The following INKA1 variants were observed in gnomAD, a reference collection of about 807,000 sequenced individuals.
INKA1 encodes the protein inka box actin regulator 1.
In INKA1, 14 loss-of-function variants were observed where a neutral mutation model predicts 21.3. The observed-to-expected ratio is 0.66, with a 90% CI of 0.43 to 1.03. The LOEUF (loss-of-function observed/expected upper bound fraction) is 1.03, where lower values mean the gene tolerates loss of function less well. Among genes scored for constraint, INKA1 ranks in the 50% least tolerant of loss-of-function variants. INKA1 has a pLI of 0.00. For missense variants in INKA1, 353 were observed against 379.0 expected, an observed-to-expected ratio of 0.93 and a Z score of 0.57; for synonymous variants, 133 against 143.3, an observed-to-expected ratio of 0.93 and a Z score of 0.51.
In INKA1 at chr3:49,804,445, G is replaced by A; in HGVS notation, c.316G>A (p.Glu106Lys). ...GGAGGTGTCAGGCAGCACATGGCGAGAGGAAGAACTGCCTGTATCCCAGCG... is the reference window on the plus strand; with the variant it reads ...GGAGGTGTCAGGCAGCACATGGCGAAAGGAAGAACTGCCTGTATCCCAGCG... The part of the protein sequence containing the change: ...FSEVSGSTWR[E>K]EELPVSQRPA... Residue 106 changes from glutamate (E) to lysine (K), a missense_variant, in exon 2 of 2, where the codon GAG becomes AAG. By Grantham distance (56) the Glu-to-Lys change is moderately conservative. Coordinates refer to ENST00000333323, the MANE Select transcript of INKA1 (RefSeq NM_203370.2). This position sits in a 1 kb window ranked among gnomAD's most constrained non-coding sequence, Gnocchi z 6.7. 3 of 1,613,618 alleles carry A rather than the reference G, an allele frequency of 1.9e-6. No homozygotes were observed. Among genetic ancestry groups the A allele is most frequent in the Non-Finnish European group, 2.5e-6 (3 of 1,180,012 alleles).
rs760182460 is a variant in INKA1 at position 49,804,963 on chromosome 3, C to G, written c.834C>G (p.Ile278Met). The change falls in exon 2 of 2, where the codon ATC (isoleucine) becomes ATG (methionine). Residue 278 changes from isoleucine to methionine, a missense_variant. Physicochemically the swap from Ile to Met is conservative, Grantham distance 10 (BLOSUM62 1). Transcript: ENST00000333323. The surrounding 1 kb of genome is among the most constrained non-coding windows in gnomAD (Gnocchi z 6.7). ...LMSCRSRQPIICNDVSYL is the reference protein window; with the variant it reads ...LMSCRSRQPIMCNDVSYL ...GCTGTCGTAGCCGCCAGCCCATCAT[C>G]TGCAATGATGTCAGCTACCTCTGAC... The G allele has an allele frequency of 3.1e-6, 5 of 1,610,720 alleles. No homozygotes were observed. Among genetic ancestry groups the G allele is most frequent in the Non-Finnish European group, 3.4e-6 (4 of 1,178,128 alleles).
rs1281106096 is a variant in INKA1, at chr3:49,804,371, C to A, written c.242C>A (p.Ala81Asp). Residue 81 changes from alanine (A) to aspartate (D), a missense_variant, in exon 2 of 2, where the codon GCC (alanine) becomes GAC (aspartate). By Grantham distance (126) the Ala-to-Asp change is moderately radical. Coordinates refer to ENST00000333323, the MANE Select transcript of INKA1 (RefSeq NM_203370.2). This position sits in a 1 kb window ranked among gnomAD's most constrained non-coding sequence, Gnocchi z 6.7. Reference sequence around the variant, plus strand: ...GTGGTGACAGAAGACAGGGATGCAGCCTTGGGAGGCCCCAGGGAGCATGCC... The same window carrying A: ...GTGGTGACAGAAGACAGGGATGCAGACTTGGGAGGCCCCAGGGAGCATGCC... Reference protein sequence around the residue: ...EAVVTEDRDAALGGPREHALD... With the variant: ...EAVVTEDRDADLGGPREHALD... 1.2e-6 allele frequency: 2 copies of A among 1,613,142 alleles called. No homozygotes were observed. Among genetic ancestry groups the A allele is most frequent in the East Asian group, 2.2e-5 (1 of 44,858 alleles).
Position 49,804,990 on chromosome 3 carries a change from C to A in INKA1, c.*3C>A. 6.2e-7 allele frequency: 1 copy of A among 1,603,584 alleles called. No homozygotes were observed. The highest frequency in any genetic ancestry group is 1.3e-5 in the African/African-American group (1 of 74,888). ...GCAATGATGTCAGCTACCTCTGACC[C>A]TGCCCTCCAGCCTGGGACAATAAAA... On this transcript the variant is annotated 3_prime_UTR_variant, in exon 2 of 2. Coordinates refer to ENST00000333323, the MANE Select transcript of INKA1 (RefSeq NM_203370.2). This position sits in a 1 kb window ranked among gnomAD's most constrained non-coding sequence, Gnocchi z 6.7.
rs2081397567 is a variant in INKA1, at chr3:49,803,483, C to A, written c.51+40C>A. Reference sequence around the variant, plus strand: ...CGGGTGTGGTTAGTGAGGACGCGTGCGGGATGCCAGGCTGCCGCCCGGCCG... The same window carrying A: ...CGGGTGTGGTTAGTGAGGACGCGTGAGGGATGCCAGGCTGCCGCCCGGCCG... On this transcript the variant is annotated intron_variant, in intron 1 of 1. Transcript: ENST00000333323. The surrounding 1 kb of genome is among the most constrained non-coding windows in gnomAD (Gnocchi z 4.8). 2 of 1,533,692 alleles carry A rather than the reference C, an allele frequency of 1.3e-6. No individual in the cohort carries two copies. The highest frequency in any genetic ancestry group is 8.8e-7 in the Non-Finnish European group (1 of 1,137,848).
rs758447443 is a variant in INKA1, at chr3:49,803,450, C to T, written c.51+7C>T. ...CCAGCTCCGCTGGGAACTGGTGAGG[C>T]TCGGGAGCGGGTGTGGTTAGTGAGG... On this transcript the variant is annotated splice_region_variant and intron_variant, in intron 1 of 1. Coordinates refer to ENST00000333323, the MANE Select transcript of INKA1 (RefSeq NM_203370.2). This position sits in a 1 kb window ranked among gnomAD's most constrained non-coding sequence, Gnocchi z 4.8. 38 of 1,557,042 alleles carry T rather than the reference C, an allele frequency of 2.4e-5. No individual in the cohort carries two copies. The Middle Eastern group carries it at 1.0e-3, about 41-fold the overall frequency.
rs1301163227 is a variant in INKA1 at position 49,804,651 on chromosome 3, A to G, written c.522A>G (p.Leu174=). The G allele has an allele frequency of 1.9e-6, 3 of 1,613,164 alleles. No individual in the cohort carries two copies. The East Asian group carries it at 6.7e-5, about 36-fold the overall frequency. The change falls in exon 2 of 2, where the codon CTA becomes CTG. Residue 174 remains leucine (L), a synonymous_variant. Coordinates refer to ENST00000333323, the MANE Select transcript of INKA1 (RefSeq NM_203370.2). This position sits in a 1 kb window ranked among gnomAD's most constrained non-coding sequence, Gnocchi z 6.7. ...GLEAEDWTAA[L]LNRGRSRQPL... The stretch of plus-strand genomic sequence containing the variant: ...AAGCAGAGGACTGGACAGCAGCCCT[A>G]CTGAACAGGGGTCGCAGTCGCCAGC...
Position 49,803,734 on chromosome 3 carries a change from C to A in INKA1, c.51+291C>A, listed in dbSNP as rs113000938. 4.6e-5 allele frequency among the ~76,000 whole-genome samples: 7 copies of A among 152,274 alleles called. No individual in the cohort carries two copies. Among genetic ancestry groups the A allele is most frequent in the Non-Finnish European group, 1.0e-4 (7 of 68,016 alleles). ...GGGGCATGGGGCGGCAAGGGACTAA[C>A]GAGGTGCTGGCGCTGCTGTGAACGC... On this transcript the variant is annotated intron_variant, in intron 1 of 1. Coordinates refer to ENST00000333323, the MANE Select transcript of INKA1 (RefSeq NM_203370.2). This position sits in a 1 kb window ranked among gnomAD's most constrained non-coding sequence, Gnocchi z 4.8.
chr3:49,804,966 C>T lies in INKA1; in HGVS notation c.837C>T (p.Cys279=). 6.2e-7 allele frequency: 1 copy of T among 1,609,512 alleles called. No homozygotes were observed. Among genetic ancestry groups the T allele is most frequent in the Non-Finnish European group, 8.5e-7 (1 of 1,177,100 alleles). The stretch of plus-strand genomic sequence containing the variant: ...GTCGTAGCCGCCAGCCCATCATCTG[C>T]AATGATGTCAGCTACCTCTGACCCT... The part of the protein sequence containing the change: ...MSCRSRQPII[C]NDVSYL Residue 279 remains cysteine (C), a synonymous_variant, in exon 2 of 2, where the codon TGC becomes TGT. Transcript: ENST00000333323. This position sits in a 1 kb window ranked among gnomAD's most constrained non-coding sequence, Gnocchi z 6.7.
At position 49,804,105 on chromosome 3, in the gene INKA1, T is replaced by C. The variant is rs917466762; in HGVS notation, c.52-76T>C. ...CCAGGCCAGCAGGCCTATCTAACCTTCCTGGACCCTCTGTTCTCTGGGCTG... is the reference window on the plus strand; with the variant it reads ...CCAGGCCAGCAGGCCTATCTAACCTCCCTGGACCCTCTGTTCTCTGGGCTG... On this transcript the variant is annotated intron_variant, in intron 1 of 1. Transcript: ENST00000333323. This position sits in a 1 kb window ranked among gnomAD's most constrained non-coding sequence, Gnocchi z 6.7. 1.5e-6 allele frequency: 2 copies of C among 1,357,312 alleles called. No homozygotes were observed. Among genetic ancestry groups the C allele is most frequent in the Non-Finnish European group, 2.0e-6 (2 of 988,082 alleles). 84.1% of individuals were successfully genotyped at this position (1,357,312 alleles called of 1,614,324 possible).
Position 49,803,526 on chromosome 3 carries a change from G to A in INKA1, c.51+83G>A, listed in dbSNP as rs1172210489. On this transcript the variant is annotated intron_variant, in intron 1 of 1. Transcript: ENST00000333323. The surrounding 1 kb of genome is among the most constrained non-coding windows in gnomAD (Gnocchi z 4.8). ...CCCGGCCGGAACAACAGACGGGTGC[G>A]GGGTGGCTCCAGCGTGCCGGTCCGA... The A allele has an allele frequency of 1.2e-5, 17 of 1,401,774 alleles. No individual in the cohort carries two copies. The highest frequency in any genetic ancestry group is 1.6e-5 in the Non-Finnish European group (16 of 1,029,888). The allele number at this position is 1,401,774 out of a possible 1,614,324, so 86.8% of individuals were successfully genotyped here.
rs2081393732 is a variant in INKA1, at chr3:49,803,287, G to A, written c.-106G>A. Reference sequence around the variant, plus strand: ...CGGAGAGCGAGGAGTCGCGCAGGCAGGCGGAGGCTGAGGGCGCCGCTGGCC... The same window carrying A: ...CGGAGAGCGAGGAGTCGCGCAGGCAAGCGGAGGCTGAGGGCGCCGCTGGCC... On this transcript the variant is annotated 5_prime_UTR_variant, in exon 1 of 2. Coordinates refer to ENST00000333323, the MANE Select transcript of INKA1 (RefSeq NM_203370.2). This position sits in a 1 kb window ranked among gnomAD's most constrained non-coding sequence, Gnocchi z 4.8. 1.8e-6 allele frequency: 2 copies of A among 1,127,142 alleles called. No homozygotes were observed. Among genetic ancestry groups the A allele is most frequent in the African/African-American group, 1.7e-5 (1 of 60,260 alleles). The allele number at this position is 1,127,142 out of a possible 1,614,324, so 69.8% of individuals were successfully genotyped here. A position where few individuals can be genotyped will look rare whatever the true frequency, so the allele number is the denominator to read the frequency against.
In INKA1 at chr3:49,803,539, C is replaced by G; in HGVS notation, c.51+96C>G. 7.8e-7 allele frequency: 1 copy of G among 1,284,954 alleles called. No individual in the cohort carries two copies. Among genetic ancestry groups the G allele is most frequent in the Non-Finnish European group, 1.1e-6 (1 of 935,068 alleles). 79.6% of individuals were successfully genotyped at this position (1,284,954 alleles called of 1,614,324 possible). A position where few individuals can be genotyped will look rare whatever the true frequency, so the allele number is the denominator to read the frequency against. On this transcript the variant is annotated intron_variant, in intron 1 of 1. Transcript: ENST00000333323. The surrounding 1 kb of genome is among the most constrained non-coding windows in gnomAD (Gnocchi z 4.8). ...ACAGACGGGTGCGGGGTGGCTCCAGCGTGCCGGTCCGAGGCGGGGTGGGGG... is the reference window on the plus strand; with the variant it reads ...ACAGACGGGTGCGGGGTGGCTCCAGGGTGCCGGTCCGAGGCGGGGTGGGGG...
In INKA1 at chr3:49,804,862, G is replaced by C; in HGVS notation, c.733G>C (p.Gly245Arg). Residue 245 changes from glycine (G) to arginine (R), a missense_variant, in exon 2 of 2, where the codon GGA becomes CGA. Coordinates refer to ENST00000333323, the MANE Select transcript of INKA1 (RefSeq NM_203370.2). This position sits in a 1 kb window ranked among gnomAD's most constrained non-coding sequence, Gnocchi z 6.7. ...LARARRTAMA[G>R]KRLSCPPRPE... The stretch of plus-strand genomic sequence containing the variant: ...CAGGGCTCGGCGGACAGCTATGGCA[G>C]GAAAGCGGCTGTCATGCCCACCTCG... 1.2e-6 allele frequency: 2 copies of C among 1,613,006 alleles called. No homozygotes were observed. Among genetic ancestry groups the C allele is most frequent in the Non-Finnish European group, 1.7e-6 (2 of 1,179,984 alleles).
At position 49,803,737 on chromosome 3, in the gene INKA1, G is replaced by A. The variant is rs1472431802; in HGVS notation, c.51+294G>A. On this transcript the variant is annotated intron_variant, in intron 1 of 1. Coordinates refer to ENST00000333323, the MANE Select transcript of INKA1 (RefSeq NM_203370.2). This position sits in a 1 kb window ranked among gnomAD's most constrained non-coding sequence, Gnocchi z 4.8. ...GCATGGGGCGGCAAGGGACTAACGAGGTGCTGGCGCTGCTGTGAACGCCCC... is the reference window on the plus strand; with the variant it reads ...GCATGGGGCGGCAAGGGACTAACGAAGTGCTGGCGCTGCTGTGAACGCCCC... 6.6e-6 allele frequency among the ~76,000 whole-genome samples: 1 copy of A among 152,214 alleles called. No individual in the cohort carries two copies. Among genetic ancestry groups the A allele is most frequent in the Non-Finnish European group, 1.5e-5 (1 of 68,038 alleles).
In INKA1 at chr3:49,803,305, C is replaced by T. The variant is rs1481975813; in HGVS notation, c.-88C>T. The T allele has an allele frequency of 2.3e-6, 3 of 1,320,444 alleles. No homozygotes were observed. Among genetic ancestry groups the T allele is most frequent in the Non-Finnish European group, 3.0e-6 (3 of 1,006,000 alleles). The allele number at this position is 1,320,444 out of a possible 1,614,324, so 81.8% of individuals were successfully genotyped here. ...GCAGGCAGGCGGAGGCTGAGGGCGC[C>T]GCTGGCCGGCCCTCCCAGCCCTCTC... is the stretch of plus-strand genomic sequence containing the variant. On this transcript the variant is annotated 5_prime_UTR_variant, in exon 1 of 2. Transcript: ENST00000333323. The surrounding 1 kb of genome is among the most constrained non-coding windows in gnomAD (Gnocchi z 4.8).
chr3:49,804,429 A>G lies in INKA1; in HGVS notation c.300A>G (p.Ser100=), dbSNP rs994314840. Reference sequence around the variant, plus strand: ...GGGACTCTGGCTTCTCGGAGGTGTCAGGCAGCACATGGCGAGAGGAAGAAC... The same window carrying G: ...GGGACTCTGGCTTCTCGGAGGTGTCGGGCAGCACATGGCGAGAGGAAGAAC... The part of the protein sequence containing the change: ...LDWDSGFSEV[S]GSTWREEELP... The change falls in exon 2 of 2, where the codon TCA becomes TCG. Residue 100 remains serine (S), a synonymous_variant. Coordinates refer to ENST00000333323, the MANE Select transcript of INKA1 (RefSeq NM_203370.2). This position sits in a 1 kb window ranked among gnomAD's most constrained non-coding sequence, Gnocchi z 6.7. 1.1e-5 allele frequency: 17 copies of G among 1,613,604 alleles called. No homozygotes were observed. Among genetic ancestry groups the G allele is most frequent in the Non-Finnish European group, 1.4e-5 (16 of 1,179,988 alleles).
chr3:49,804,470 G>A lies in INKA1; in HGVS notation c.341G>A (p.Arg114His), dbSNP rs571203506. Residue 114 changes from arginine to histidine, a missense_variant, in exon 2 of 2, where the codon CGC (arginine) becomes CAC (histidine). Physicochemically the swap from Arg to His is conservative, Grantham distance 29. Coordinates refer to ENST00000333323, the MANE Select transcript of INKA1 (RefSeq NM_203370.2). The surrounding 1 kb of genome is among the most constrained non-coding windows in gnomAD (Gnocchi z 6.7). Reference protein sequence around the residue: ...WREEELPVSQRPAPSAQPLRR... With the variant: ...WREEELPVSQHPAPSAQPLRR... ...GAGGAAGAACTGCCTGTATCCCAGC[G>A]CCCAGCACCCTCAGCACAGCCCCTT... is the stretch of plus-strand genomic sequence containing the variant. 22 of 1,613,498 alleles carry A rather than the reference G, an allele frequency of 1.4e-5. No homozygotes were observed. Among genetic ancestry groups the A allele is most frequent in the Middle Eastern group, 1.6e-4 (1 of 6,062 alleles).
chr3:49,805,016 G>A lies in INKA1; in HGVS notation c.*29G>A. On this transcript the variant is annotated 3_prime_UTR_variant, in exon 2 of 2. Coordinates refer to ENST00000333323, the MANE Select transcript of INKA1 (RefSeq NM_203370.2). ...TGCCCTCCAGCCTGGGACAATAAAA[G>A]CCTTTTTTCTAGACTGTCCTGGCTC... The A allele has an allele frequency of 6.9e-6, 11 of 1,587,408 alleles. No individual in the cohort carries two copies. Among genetic ancestry groups the A allele is most frequent in the Non-Finnish European group, 8.6e-6 (10 of 1,163,850 alleles).
chr3:49,803,935 C>T lies in INKA1; in HGVS notation c.52-246C>T, dbSNP rs2081404352. ...AGGCCCGCAACCCTGCCTGCCTGCCCGCCCGCCCTGGTGGCGGGTGCCGAC... is the reference window on the plus strand; with the variant it reads ...AGGCCCGCAACCCTGCCTGCCTGCCTGCCCGCCCTGGTGGCGGGTGCCGAC... On this transcript the variant is annotated intron_variant, in intron 1 of 1. Transcript: ENST00000333323. The surrounding 1 kb of genome is among the most constrained non-coding windows in gnomAD (Gnocchi z 4.8). 6.6e-6 allele frequency among the ~76,000 whole-genome samples: 1 copy of T among 152,182 alleles called. No homozygotes were observed. Among genetic ancestry groups the T allele is most frequent in the African/African-American group, 2.4e-5 (1 of 41,452 alleles).
Sources: allele counts gnomAD v4.1 joint callset (sites outside exome capture counted in the v4.1 genomes callset), GRCh38; gene constraint gnomAD v4.1.1; non-coding constraint Gnocchi (gnomAD v3.1); transcripts MANE v1.5; gene names NCBI Gene and HGNC (gene_info 2026-07-23, HGNC 2026-07-21).